Variants in XKR9 observed in about 807,000 individuals in gnomAD.
XKR9 encodes the protein XK-related protein 9.
XKR9 carries 32 observed loss-of-function variants against 32.0 expected under a neutral mutation model. That is an observed-to-expected ratio of 1.00 (90% CI 0.76 to 1.34). The LOEUF is 1.34. Ranked by LOEUF, XKR9 falls within the 40% of genes most tolerant of loss-of-function variation. XKR9 has a pLI of 0.00. For missense variants in XKR9, 546 were observed against 429.7 expected (o/e 1.27, Z -2.39); for synonymous variants, 168 against 143.4 (o/e 1.17, Z -1.22).
At chr8:70,909,054 T>A in the XKR9 span, among the ~76,000 whole-genome samples, 2 of 152,148 alleles carry the variant, frequency 1.3e-5, no homozygotes, top group Admixed American at 1.3e-4. Flanking sequence ...CCATTTTAGG[T>A]TTTTTTATTA....
intron 4 of XKR9, among the ~76,000 whole-genome samples, chr8:70,730,699 C>G (rs1016494841): frequency 2.6e-5 from 4 of 152,036 alleles, no homozygotes; most frequent in African/African-American, 9.7e-5. Context: ...CAAAGTTACA[C>G]AAATAATAAA....
the XKR9 span, among the ~76,000 whole-genome samples, chr8:71,018,397 C>T: frequency 6.6e-6 from 1 of 152,164 alleles, no homozygotes; most frequent in African/African-American, 2.4e-5. Flanking sequence ...AGGATATCTT[C>T]TCTACAATTG....
the XKR9 span, among the ~76,000 whole-genome samples, chr8:70,867,790 A>G: frequency 2.0e-5 from 3 of 152,274 alleles, no homozygotes; most frequent in South Asian, 4.2e-4. Context: ...CATTAACTCA[A>G]AAGTCCACAG....
chr8:70,731,289 G>T (rs546034917), intron 4 of XKR9, among the ~76,000 whole-genome samples: 67 of 152,072 alleles, frequency 4.4e-4, no homozygotes, highest in Middle Eastern at 3.4e-3. Context: ...GAGAGAGAAA[G>T]AGACCAGAAA....
chr8:70,975,206 A>T, the XKR9 span, among the ~76,000 whole-genome samples: 1 of 152,102 alleles, frequency 6.6e-6, no homozygotes, highest in East Asian at 1.9e-4. Flanking sequence ...GTCCACTCTG[A>T]TGGTAGTTTC....
chr8:70,946,549 A>C, the XKR9 span, among the ~76,000 whole-genome samples: 1 of 152,204 alleles, frequency 6.6e-6, no homozygotes, highest in Non-Finnish European at 1.5e-5. Context: ...AAAACTAAGG[A>C]AGGTTGAGTA....
chr8:70,863,839 C>T, the XKR9 span, among the ~76,000 whole-genome samples: 1 of 152,164 alleles, frequency 6.6e-6, no homozygotes. Flanking sequence ...ATGATGCCCT[C>T]ATACTGGTGC....
intron 2 of XKR9, among the ~76,000 whole-genome samples, chr8:70,761,063 A>G (rs548233996): frequency 1.3e-5 from 2 of 152,364 alleles, no homozygotes; most frequent in East Asian, 1.9e-4. Context: ...CTATGGCTGC[A>G]TAATATTCCA....
the XKR9 span, among the ~76,000 whole-genome samples, chr8:70,805,870 C>A: frequency 6.6e-6 from 1 of 152,108 alleles, no homozygotes; most frequent in Non-Finnish European, 1.5e-5. Context: ...GTGCTTCCCC[C>A]TAGTGAAGCA....
the XKR9 span, among the ~76,000 whole-genome samples, chr8:70,918,767 C>CTTTT: frequency 4.6e-5 from 4 of 87,812 alleles, no homozygotes; most frequent in African/African-American, 1.3e-4. Context: ...ATCATGGGAT[C>CTTTT]CTTTTTTTTT....
chr8:70,681,120 A>T lies in XKR9; in HGVS notation c.62A>T (p.Asp21Val). Residue 21 changes from aspartate (D) to valine (V), a missense_variant, in exon 3 of 5, where the codon GAT becomes GTT. Coordinates refer to ENST00000408926, the MANE Select transcript of XKR9 (RefSeq NM_001011720.2). ...CTTGGCATTATAATCTACGTAACTG[A>T]TTTAATTGTGGACATATGGGTATCT... is the stretch of plus-strand genomic sequence containing the variant. ...SVLGIIIYVT[D>V]LIVDIWVSVR... 1.9e-6 allele frequency: 3 copies of T among 1,613,412 alleles called. No homozygotes were observed. The highest frequency in any genetic ancestry group is 2.5e-6 in the Non-Finnish European group (3 of 1,179,518).
the XKR9 span, among the ~76,000 whole-genome samples, chr8:70,903,763 C>A: frequency 6.6e-6 from 1 of 152,070 alleles, no homozygotes; most frequent in Non-Finnish European, 1.5e-5. Context: ...CCTGCTTTAT[C>A]TTGTGGGCAT....
the XKR9 span, among the ~76,000 whole-genome samples, chr8:70,996,789 G>T: frequency 6.6e-6 from 1 of 151,960 alleles, no homozygotes; most frequent in African/African-American, 2.4e-5. Flanking sequence ...GGCCATAAAA[G>T]AATTATTTGA....
intron 2 of XKR9, chr8:70,678,100 T>C (rs1409371819): frequency 1.3e-5 from 2 of 152,190 alleles, no homozygotes; most frequent in Non-Finnish European, 2.9e-5. Context: ...TCCATCTCTA[T>C]GCACATGGCC....
At chr8:70,722,890 T>G (rs746524107) in intron 4 of XKR9, among the ~76,000 whole-genome samples, 32 of 152,182 alleles carry the variant, frequency 2.1e-4, no homozygotes, top group Non-Finnish European at 1.9e-4. Context: ...TGAAATTTTT[T>G]TTTTTACTTT....
chr8:70,957,261 C>T, the XKR9 span, among the ~76,000 whole-genome samples: 2 of 152,110 alleles, frequency 1.3e-5, no homozygotes, highest in Non-Finnish European at 2.9e-5. Context: ...GAGTGATAGC[C>T]AAACTACTCA....
intron 2 of XKR9, among the ~76,000 whole-genome samples, chr8:70,776,538 T>G (rs936706879): frequency 1.3e-5 from 2 of 152,076 alleles, no homozygotes; most frequent in African/African-American, 4.8e-5. Context: ...CCCTGGGGTT[T>G]CTATAAGACT....
the XKR9 span, among the ~76,000 whole-genome samples, chr8:71,060,355 G>A: frequency 1.3e-5 from 2 of 152,144 alleles, no homozygotes; most frequent in Non-Finnish European, 2.9e-5. Context: ...TTTAGGGAGC[G>A]TTACCTCCAC....
chr8:70,981,469 T>C, the XKR9 span, among the ~76,000 whole-genome samples: 1 of 152,280 alleles, frequency 6.6e-6, no homozygotes, highest in Admixed American at 6.5e-5. Context: ...TCTCTAAGTG[T>C]GTTCTTGATT....
Sources: gnomAD v4.1 joint callset for allele counts (sites outside exome capture counted in the v4.1 genomes callset) on GRCh38, gnomAD v4.1.1 for gene constraint, MANE v1.5 for transcripts, NCBI Gene and HGNC (gene_info 2026-07-23, HGNC 2026-07-21) for gene names.